Variants in OSBPL10 observed in about 807,000 individuals in gnomAD.
OSBPL10 encodes oxysterol binding protein like 10.
OSBPL10 carries 49 observed loss-of-function variants against 81.7 expected under a neutral mutation model. That is an observed-to-expected ratio of 0.60 (90% CI 0.48 to 0.76). The LOEUF is 0.76. Ranked by LOEUF, OSBPL10 falls within the 30% of genes least tolerant of loss-of-function variation. The pLI, the probability that OSBPL10 is intolerant of heterozygous loss-of-function variation, is 0.00. For missense variants in OSBPL10, 923 were observed against 987.8 expected, an observed-to-expected ratio of 0.93 and a Z score of 0.88; for synonymous variants, 419 against 383.6, an observed-to-expected ratio of 1.09 and a Z score of -1.08.
intron 4 of OSBPL10, among the ~76,000 whole-genome samples, chr3:31,759,412 A>T (rs930891561): frequency 6.6e-6 from 1 of 151,996 alleles, no homozygotes; most frequent in Non-Finnish European, 1.5e-5. Flanking sequence ...ATTCTGCAGC[A>T]GGCTACTCTA....
In OSBPL10 at chr3:31,683,693, T is replaced by C. The variant is rs1285777996; in HGVS notation, c.1667A>G (p.His556Arg). Reference sequence around the variant, plus strand: ...CATGAACTTGCTTTTGGTCCATACATGAGTGTTGACGCACAGTCTCTTCTC... The same window carrying C: ...CATGAACTTGCTTTTGGTCCATACACGAGTGTTGACGCACAGTCTCTTCTC... The part of the protein sequence containing the change: ...CEEKRLCVNT[H>R]VWTKSKFMGM... Residue 556 changes from histidine to arginine, a missense_variant, in exon 8 of 12, where the codon CAT (histidine) becomes CGT (arginine). By Grantham distance (29) the His-to-Arg change is conservative. Coordinates refer to ENST00000396556, the MANE Select transcript of OSBPL10 (RefSeq NM_017784.5). 6.2e-7 allele frequency: 1 copy of C among 1,614,178 alleles called. No homozygotes were observed. Among genetic ancestry groups the C allele is most frequent in the Admixed American group, 1.7e-5 (1 of 60,026 alleles).
At chr3:31,958,655 T>C (rs1411737264) in intron 1 of OSBPL10, among the ~76,000 whole-genome samples, 1 of 152,176 alleles carries the variant, frequency 6.6e-6, no homozygotes. Flanking sequence ...ACATTTCAAC[T>C]GAGATGTTTA....
intron 2 of OSBPL10, among the ~76,000 whole-genome samples, chr3:32,001,737 G>GT (rs1356711163): frequency 1.4e-5 from 2 of 146,824 alleles, no homozygotes; most frequent in Non-Finnish European, 1.5e-5. Context: ...AATATCAAGT[G>GT]TAAAAAAAAA....
intron 1 of OSBPL10, among the ~76,000 whole-genome samples, chr3:31,926,318 G>T (rs1323595081): frequency 7.3e-6 from 1 of 136,138 alleles, no homozygotes; most frequent in Non-Finnish European, 1.5e-5. Context: ...GCAATGTCTG[G>T]AAAGATTTTT....
chr3:31,893,086 C>T (rs1695949134), intron 1 of OSBPL10, among the ~76,000 whole-genome samples: 1 of 152,078 alleles, frequency 6.6e-6, no homozygotes. Context: ...TGTTAATGTG[C>T]TCCCTCCTAA....
At chr3:31,914,376 A>G (rs1004791220) in intron 1 of OSBPL10, among the ~76,000 whole-genome samples, 2 of 152,178 alleles carry the variant, frequency 1.3e-5, no homozygotes, top group African/African-American at 4.8e-5. Flanking sequence ...CCAAGTATCA[A>G]TTTCTTTACT....
At chr3:32,058,751 T>C (rs1045674047) in intron 1 of OSBPL10, among the ~76,000 whole-genome samples, 3 of 152,214 alleles carry the variant, frequency 2.0e-5, no homozygotes, top group African/African-American at 7.2e-5. Flanking sequence ...TACTGCAGCC[T>C]TGACCTGGGC....
At chr3:32,057,205 C>T (rs142222228) in intron 1 of OSBPL10, among the ~76,000 whole-genome samples, 2 of 152,296 alleles carry the variant, frequency 1.3e-5, no homozygotes, top group East Asian at 1.9e-4. Flanking sequence ...GCAGCCCATG[C>T]GGTTGCTGTG....
intron 2 of OSBPL10, among the ~76,000 whole-genome samples, chr3:32,021,563 T>C (rs1327622265): frequency 6.6e-6 from 1 of 152,232 alleles, no homozygotes; most frequent in Admixed American, 6.5e-5. Flanking sequence ...TGGTTTTAAT[T>C]TATATTTCTC....
At chr3:31,723,546 A>C (rs1330399777) in intron 6 of OSBPL10, among the ~76,000 whole-genome samples, 2 of 150,652 alleles carry the variant, frequency 1.3e-5, no homozygotes, top group Non-Finnish European at 2.9e-5. Context: ...TCTTACACAC[A>C]CACACACACA....
chr3:31,743,888 C>A (rs979413413), intron 5 of OSBPL10, among the ~76,000 whole-genome samples: 1 of 152,336 alleles, frequency 6.6e-6, no homozygotes. Flanking sequence ...CAGGCAGCTG[C>A]TATAGCAACT....
At chr3:32,047,954 C>G (rs1699638370) in intron 1 of OSBPL10, among the ~76,000 whole-genome samples, 1 of 152,102 alleles carries the variant, frequency 6.6e-6, no homozygotes, top group East Asian at 1.9e-4. Context: ...CATAAGCCAC[C>G]ACGCCCGGCC....
chr3:31,859,671 T>G (rs1701012970), intron 3 of OSBPL10, among the ~76,000 whole-genome samples: 1 of 152,176 alleles, frequency 6.6e-6, no homozygotes, highest in Admixed American at 6.5e-5. Flanking sequence ...AATCTTGGAC[T>G]TCCATCAAGG....
At chr3:31,804,194 C>T (rs1020465651) in intron 4 of OSBPL10, among the ~76,000 whole-genome samples, 12 of 152,264 alleles carry the variant, frequency 7.9e-5, no homozygotes, top group South Asian at 4.1e-4. Flanking sequence ...ACTCACCCCA[C>T]CCCATGTATT....
chr3:31,749,728 T>C (rs1697654170), intron 4 of OSBPL10, among the ~76,000 whole-genome samples: 1 of 151,848 alleles, frequency 6.6e-6, no homozygotes. Context: ...GGGAGGAGAA[T>C]CGCTTGAATC....
intron 2 of OSBPL10, among the ~76,000 whole-genome samples, chr3:32,022,885 A>G (rs1263477813): frequency 6.6e-6 from 1 of 152,188 alleles, no homozygotes; most frequent in African/African-American, 2.4e-5. Context: ...CTTCTGCCAG[A>G]CTGCCTAGGA....
intron 1 of OSBPL10, among the ~76,000 whole-genome samples, chr3:31,952,083 A>G (rs947381717): frequency 2.6e-5 from 4 of 152,168 alleles, no homozygotes; most frequent in Non-Finnish European, 4.4e-5. Context: ...ATGTTAACAT[A>G]TAGTCATATT....
At chr3:31,933,625 G>C (rs748421474) in intron 1 of OSBPL10, among the ~76,000 whole-genome samples, 2 of 151,908 alleles carry the variant, frequency 1.3e-5, no homozygotes, top group African/African-American at 2.4e-5. Context: ...GTCTAGGTTG[G>C]TCTTCAACTC....
At chr3:31,704,043 C>A (rs554872977) in intron 6 of OSBPL10, 1 of 152,372 alleles carries the variant, frequency 6.6e-6, no homozygotes, top group East Asian at 1.9e-4. Flanking sequence ...CACACAGGAG[C>A]CCAGCACTTA....
Sources: allele counts gnomAD v4.1 joint callset (sites outside exome capture counted in the v4.1 genomes callset), GRCh38; gene constraint gnomAD v4.1.1; transcripts MANE v1.5; gene names NCBI Gene and HGNC (gene_info 2026-07-23, HGNC 2026-07-21).